HCRTR2: variants seen among roughly 807,000 people sequenced by gnomAD.
HCRTR2 encodes the protein hypocretin receptor 2, also known as orexin receptor type 2.
Under a neutral mutation model 49.0 loss-of-function variants are expected in HCRTR2, and 22 were observed. That is an observed-to-expected ratio of 0.45 (90% CI 0.32 to 0.64). The LOEUF is 0.64. Among genes scored for constraint, HCRTR2 ranks in the 30% least tolerant of loss-of-function variants. The pLI, the probability that HCRTR2 is intolerant of heterozygous loss-of-function variation, is 0.04. For synonymous variants in HCRTR2, 236 were observed against 205.3 expected (o/e 1.15, Z -1.28); for missense variants, 491 against 559.4 (o/e 0.88, Z 1.23).
chr6:55,182,156 C>G (rs997699187), intron 1 of HCRTR2, among the ~76,000 whole-genome samples: 1 of 152,190 alleles, frequency 6.6e-6, no homozygotes, highest in Non-Finnish European at 1.5e-5. Context: ...CAGGCAGCCT[C>G]CACATTTTGT....
rs1024066034 is a variant in HCRTR2, at chr6:55,164,131, C to T, written c.-377-10080C>T. Among the ~76,000 whole-genome samples, 7 of 152,226 alleles carry T rather than the reference C, an allele frequency of 4.6e-5. No homozygotes were observed. In the East Asian group the frequency reaches 1.2e-3, roughly 25 times the overall value. On this transcript the variant is annotated intron_variant, in intron 1 of 7. Transcript: ENST00000615358. ...TTAAAAAGTCAGGAAACAACAGATG[C>T]TGGAGAGGATGTGGAGAAATAGGAA...
intron 1 of HCRTR2, among the ~76,000 whole-genome samples, chr6:55,227,839 G>T (rs978393865): frequency 7.2e-5 from 11 of 152,152 alleles, no homozygotes; most frequent in Non-Finnish European, 1.2e-4. Flanking sequence ...GAAATTGAGA[G>T]TGTAGATAAA....
At position 55,149,382 on chromosome 6, in the gene HCRTR2, G is replaced by A. The variant is rs151208795; in HGVS notation, c.-377-24829G>A. ...ATTTTCTCTGAGACAGTGCAGATATGGCCACTCTTTCCAACAAGTGAAAGT... is the reference window on the plus strand; with the variant it reads ...ATTTTCTCTGAGACAGTGCAGATATAGCCACTCTTTCCAACAAGTGAAAGT... On this transcript the variant is annotated intron_variant, in intron 1 of 7. Transcript: ENST00000615358. Among the ~76,000 whole-genome samples, 92 of 152,080 alleles carry A rather than the reference G, an allele frequency of 6.0e-4. No homozygotes were observed. In the East Asian group the frequency reaches 0.017, roughly 29 times the overall value.
chr6:55,211,960 T>C (rs540111116), intron 1 of HCRTR2, among the ~76,000 whole-genome samples: 1 of 152,266 alleles, frequency 6.6e-6, no homozygotes, highest in South Asian at 2.1e-4. Context: ...GGCTATCTTG[T>C]CCCCTGTTTA....
At chr6:55,236,632 T>G (rs1766219720) in intron 1 of HCRTR2, among the ~76,000 whole-genome samples, 1 of 152,176 alleles carries the variant, frequency 6.6e-6, no homozygotes, top group African/African-American at 2.4e-5. Flanking sequence ...TGAATTAGTA[T>G]TTGTAGATAT....
chr6:55,144,318 A>C (rs536056866), intron 1 of HCRTR2, among the ~76,000 whole-genome samples: 1 of 151,548 alleles, frequency 6.6e-6, no homozygotes, highest in South Asian at 2.1e-4. Context: ...GTTTCTCCAC[A>C]TTGGTCAGAC....
intron 1 of HCRTR2, among the ~76,000 whole-genome samples, chr6:55,209,119 G>C (rs1036770664): frequency 6.6e-6 from 1 of 152,074 alleles, no homozygotes; most frequent in African/African-American, 2.4e-5. Context: ...CATTAAAATA[G>C]AGTTCCCTAA....
chr6:55,132,152 G>A (rs537017451), intron 1 of HCRTR2, among the ~76,000 whole-genome samples: 2 of 151,708 alleles, frequency 1.3e-5, no homozygotes, highest in Non-Finnish European at 3.0e-5. Flanking sequence ...ACATATAAAA[G>A]TTAATGACTA....
intron 1 of HCRTR2, among the ~76,000 whole-genome samples, chr6:55,240,434 C>T (rs759603015): frequency 2.0e-4 from 30 of 147,034 alleles, no homozygotes; most frequent in Non-Finnish European, 4.0e-4. Flanking sequence ...GCACATTTCA[C>T]AACACAGATG....
At chr6:55,197,114 C>T (rs758377877) in intron 1 of HCRTR2, among the ~76,000 whole-genome samples, 1 of 152,168 alleles carries the variant, frequency 6.6e-6, no homozygotes, top group African/African-American at 2.4e-5. Flanking sequence ...CTAAATTTAA[C>T]TCTAAACGTA....
intron 5 of HCRTR2, 122 bp from the exon 6 acceptor site, chr6:55,280,201 A>C: frequency 1.4e-6 from 1 of 697,778 alleles, no homozygotes; most frequent in Non-Finnish European, 2.5e-6. Flanking sequence ...GTCAGAAACC[A>C]ATCTGTGGTC....
At chr6:55,250,894 CA>C (rs1766537549) in intron 2 of HCRTR2, among the ~76,000 whole-genome samples, 1 of 152,202 alleles carries the variant, frequency 6.6e-6, no homozygotes, top group South Asian at 2.1e-4. Flanking sequence ...CCACATGATG[CA>C]AAAGACTAGA....
intron 1 of HCRTR2, among the ~76,000 whole-genome samples, chr6:55,116,715 G>GAGAGAAAA (rs55778468): frequency 0.47 from 41,356 of 87,800 alleles, 6,948 homozygotes; most frequent in Non-Finnish European, 0.52. Flanking sequence ...AAGAGAGAGA[G>GAGAGAAAA]AAAAAAAAAA....
chr6:55,166,405 G>GTTA (rs1764878187), intron 1 of HCRTR2, among the ~76,000 whole-genome samples: 1 of 102,612 alleles, frequency 9.7e-6, no homozygotes, highest in Non-Finnish European at 2.1e-5. Context: ...AGAATTGTTA[G>GTTA]TTTTTTTTTT....
At chr6:55,181,897 C>T (rs1020490923) in intron 1 of HCRTR2, among the ~76,000 whole-genome samples, 4 of 152,104 alleles carry the variant, frequency 2.6e-5, no homozygotes, top group South Asian at 2.1e-4. Flanking sequence ...ATAATAATTT[C>T]GATGTTTTAA....
intron 3 of HCRTR2, among the ~76,000 whole-genome samples, chr6:55,260,668 A>C (rs1766737588): frequency 6.6e-6 from 1 of 152,192 alleles, no homozygotes; most frequent in Non-Finnish European, 1.5e-5. Flanking sequence ...ATGGGTTTAG[A>C]AGCATGAATA....
intron 4 of HCRTR2, among the ~76,000 whole-genome samples, chr6:55,264,524 G>A (rs1766827567): frequency 6.6e-6 from 1 of 151,944 alleles, no homozygotes; most frequent in Non-Finnish European, 1.5e-5. Flanking sequence ...TAGAGGAGGG[G>A]CATCATCAGA....
chr6:55,125,995 T>C (rs1764270655), intron 1 of HCRTR2, among the ~76,000 whole-genome samples: 1 of 152,204 alleles, frequency 6.6e-6, no homozygotes, highest in Admixed American at 6.5e-5. Flanking sequence ...CTAAGCTGGT[T>C]GTTCTAGTTA....
intron 1 of HCRTR2, among the ~76,000 whole-genome samples, chr6:55,242,876 T>C (rs1430325952): frequency 6.6e-6 from 1 of 152,206 alleles, no homozygotes; most frequent in Non-Finnish European, 1.5e-5. Context: ...TGTATTATTT[T>C]CCCATTTGAA....
Sources: gnomAD v4.1 joint callset for allele counts (sites outside exome capture counted in the v4.1 genomes callset) on GRCh38, gnomAD v4.1.1 for gene constraint, MANE v1.5 for transcripts, NCBI Gene and HGNC (gene_info 2026-07-23, HGNC 2026-07-21) for gene names.